The following STOX1 variants were observed in gnomAD, a reference collection of about 807,000 sequenced individuals.
STOX1 encodes storkhead-box protein 1.
Under a neutral mutation model 74.8 loss-of-function variants are expected in STOX1, and 57 were observed. That is an observed-to-expected ratio of 0.76 (90% CI 0.62 to 0.95). The LOEUF (loss-of-function observed/expected upper bound fraction) is 0.95, where lower values mean the gene tolerates loss of function less well. Ranked by LOEUF, STOX1 falls within the 40% of genes least tolerant of loss-of-function variation. STOX1 has a pLI of 0.00. For synonymous variants in STOX1, 375 were observed against 401.3 expected (o/e 0.93, Z 0.78); for missense variants, 1,010 against 1,117.0 (o/e 0.90, Z 1.37).
chr10:68,845,926 A>G (rs901010796), intron 1 of STOX1, among the ~76,000 whole-genome samples: 1 of 151,110 alleles, frequency 6.6e-6, no homozygotes, highest in Non-Finnish European at 1.5e-5. Context: ...TTTAGTAGAG[A>G]TGGGATTTCG....
rs182063971 is a variant in STOX1, at chr10:68,863,961, C to G, written c.311-17997C>G. 1.5e-3 allele frequency among the ~76,000 whole-genome samples: 223 copies of G among 148,694 alleles called. 3 individuals are homozygous for G. The highest frequency in any genetic ancestry group is 5.3e-3 in the African/African-American group (211 of 39,610). ...TTTCTCTGAGACAAAGTCTCGCTCT[C>G]TCACCCAGGCTGGAGTGCAGTGGCG... On this transcript the variant is annotated intron_variant, in intron 1 of 3. Coordinates refer to ENST00000298596, the MANE Select transcript of STOX1 (RefSeq NM_152709.5).
chr10:68,891,354 T>C (rs1417954001), intron 3 of STOX1, among the ~76,000 whole-genome samples: 1 of 152,154 alleles, frequency 6.6e-6, no homozygotes, highest in Non-Finnish European at 1.5e-5. Context: ...CAAGTTGAAC[T>C]TAAGAACAAA....
chr10:68,843,184 G>T (rs980250305), intron 1 of STOX1, among the ~76,000 whole-genome samples: 2 of 152,086 alleles, frequency 1.3e-5, no homozygotes, highest in African/African-American at 4.8e-5. Context: ...GACTGTAGGC[G>T]TGGGCCACCA....
rs555151737 is a variant in STOX1 at position 68,838,411 on chromosome 10, A to G, written c.310+10478A>G. On this transcript the variant is annotated intron_variant, in intron 1 of 3. Coordinates refer to ENST00000298596, the MANE Select transcript of STOX1 (RefSeq NM_152709.5). ...TTTATTGTTAATGTATAGAAATGCA[A>G]CTGATTTTATGTTCAGTGTGGGTTC... Among the ~76,000 whole-genome samples the G allele has an allele frequency of 3.3e-5, 5 of 152,190 alleles. No individual in the cohort carries two copies. In the East Asian group the frequency reaches 7.7e-4, roughly 24 times the overall value.
intron 1 of STOX1, among the ~76,000 whole-genome samples, chr10:68,876,191 CTT>C (rs564302787): frequency 4.3e-4 from 64 of 148,366 alleles, no homozygotes; most frequent in African/African-American, 1.5e-3. Context: ...GAGTTTTACT[CTT>C]GTTGCCCAGG....
rs71474450 is a variant in STOX1, at chr10:68,866,945, GT to G, written c.311-14996del. Among the ~76,000 whole-genome samples, 103 of 124,962 alleles carry G rather than the reference GT, an allele frequency of 8.2e-4. 1 individual carries two copies. The highest frequency in any genetic ancestry group is 4.8e-3 in the Middle Eastern group (1 of 210). 82.0% of individuals were successfully genotyped at this position (124,962 alleles called of 152,430 possible). Reference sequence around the variant, plus strand: ...CACTGATTGGACCAATGCTTTCCTTGTTTTTTTTTTTTTTTTTCGAGGCAGC... The same window carrying G: ...CACTGATTGGACCAATGCTTTCCTTGTTTTTTTTTTTTTTTTCGAGGCAGC... On this transcript the variant is annotated intron_variant, in intron 1 of 3. Transcript: ENST00000298596.
At chr10:68,862,852 A>G (rs753465110) in intron 1 of STOX1, among the ~76,000 whole-genome samples, 1 of 152,038 alleles carries the variant, frequency 6.6e-6, no homozygotes, top group Non-Finnish European at 1.5e-5. Flanking sequence ...CTTCCCAAAC[A>G]AGTACATTCA....
intron 1 of STOX1, among the ~76,000 whole-genome samples, chr10:68,848,920 T>A (rs1480197748): frequency 6.6e-6 from 1 of 152,180 alleles, no homozygotes; most frequent in East Asian, 1.9e-4. Context: ...TCCTGTTGCC[T>A]TGGGCTCCCA....
chr10:68,885,492 A>G lies in STOX1; in HGVS notation c.1696A>G (p.Ile566Val), dbSNP rs1192709422. The change falls in exon 3 of 4, where the codon ATA becomes GTA. Residue 566 changes from isoleucine (I) to valine (V), a missense_variant. Ile to Val is a conservative substitution (Grantham distance 29, BLOSUM62 3). Coordinates refer to ENST00000298596, the MANE Select transcript of STOX1 (RefSeq NM_152709.5). ...TAAAATGGAAGCAGAATCCATTTAC[A>G]TAAATGACCCTACTGTCAAACCCAT... is the stretch of plus-strand genomic sequence containing the variant. Reference protein sequence around the residue: ...NDKMEAESIYINDPTVKPIND... With the variant: ...NDKMEAESIYVNDPTVKPIND... 3 of 1,614,244 alleles carry G rather than the reference A, an allele frequency of 1.9e-6. No individual in the cohort carries two copies. Among genetic ancestry groups the G allele is most frequent in the Admixed American group, 1.7e-5 (1 of 60,026 alleles).
intron 3 of STOX1, among the ~76,000 whole-genome samples, chr10:68,889,722 C>T (rs187650329): frequency 4.4e-3 from 663 of 152,214 alleles, no homozygotes; most frequent in Non-Finnish European, 7.2e-3. Flanking sequence ...CACCACCAGG[C>T]CCAGCTAATT....
chr10:68,827,547 C>G lies in STOX1; in HGVS notation c.-77C>G, dbSNP rs1409738697. 1 of 988,316 alleles carries G rather than the reference C, an allele frequency of 1.0e-6. No individual in the cohort carries two copies. Among genetic ancestry groups the G allele is most frequent in the African/African-American group, 1.7e-5 (1 of 57,446 alleles). 61.2% of individuals were successfully genotyped at this position (988,316 alleles called of 1,614,324 possible). A position where few individuals can be genotyped will look rare whatever the true frequency, so the allele number is the denominator to read the frequency against. ...GACCCGCGCGCAGTCGGCCGATCCT[C>G]CCGCCGAGCGAGCGGCGTCGTAGCC... On this transcript the variant is annotated 5_prime_UTR_variant, in exon 1 of 4. Transcript: ENST00000298596.
intron 1 of STOX1, among the ~76,000 whole-genome samples, chr10:68,843,858 C>A (rs1191261402): frequency 2.0e-5 from 3 of 151,962 alleles, no homozygotes; most frequent in Non-Finnish European, 2.9e-5. Context: ...CTGTGCCCGG[C>A]CTATTTTATT....
At chr10:68,865,473 C>T (rs1234495665) in intron 1 of STOX1, among the ~76,000 whole-genome samples, 1 of 152,158 alleles carries the variant, frequency 6.6e-6, no homozygotes, top group Non-Finnish European at 1.5e-5. Flanking sequence ...CATGGTGAAA[C>T]CCCGTCTCTA....
intron 1 of STOX1, among the ~76,000 whole-genome samples, chr10:68,835,479 C>T (rs1293686265): frequency 6.6e-6 from 1 of 152,176 alleles, no homozygotes; most frequent in Non-Finnish European, 1.5e-5. Flanking sequence ...CCCATCACCA[C>T]ATCTGGCTAA....
intron 1 of STOX1, among the ~76,000 whole-genome samples, chr10:68,841,632 A>G (rs1167210819): frequency 2.6e-5 from 4 of 152,186 alleles, no homozygotes; most frequent in African/African-American, 7.2e-5. Flanking sequence ...TGTAGGATGT[A>G]AGTAGGGATT....
chr10:68,876,084 G>A (rs1480009827), intron 1 of STOX1, among the ~76,000 whole-genome samples: 5 of 147,974 alleles, frequency 3.4e-5, no homozygotes, highest in Non-Finnish European at 7.4e-5. Context: ...TTTTGTGGCG[G>A]TGAGGAGTGG....
chr10:68,890,090 G>A (rs867392565), intron 3 of STOX1, among the ~76,000 whole-genome samples: 7 of 152,010 alleles, frequency 4.6e-5, no homozygotes, highest in African/African-American at 7.2e-5. Flanking sequence ...GATTACAGGC[G>A]TGAGCCACAA....
chr10:68,874,766 T>C (rs1457006511), intron 1 of STOX1, among the ~76,000 whole-genome samples: 1 of 152,072 alleles, frequency 6.6e-6, no homozygotes. Context: ...TACAAATAAA[T>C]GCCTTCTCTT....
intron 1 of STOX1, among the ~76,000 whole-genome samples, chr10:68,843,546 G>T (rs1379270221): frequency 4.6e-5 from 7 of 151,632 alleles, no homozygotes; most frequent in Admixed American, 1.3e-4. Context: ...TTTTTTTGTT[G>T]TTGTTGTTGT....
Sources: allele counts gnomAD v4.1 joint callset (sites outside exome capture counted in the v4.1 genomes callset), GRCh38; gene constraint gnomAD v4.1.1; transcripts MANE v1.5; gene names NCBI Gene and HGNC (gene_info 2026-07-23, HGNC 2026-07-21).